Variants in STXBP5 observed in about 807,000 individuals in gnomAD.
STXBP5 encodes the protein syntaxin binding protein 5.
STXBP5 carries 50 observed loss-of-function variants against 152.4 expected under a neutral mutation model. That is an observed-to-expected ratio of 0.33 (90% CI 0.26 to 0.42). The LOEUF is 0.42. Among genes scored for constraint, STXBP5 ranks in the 10% least tolerant of loss-of-function variants. STXBP5 has a pLI of 1.00. For missense variants in STXBP5, 1,167 were observed against 1,388.6 expected (o/e 0.84, Z 2.54); for synonymous variants, 492 against 494.7 (o/e 0.99, Z 0.07).
At chr6:147,352,729 TCTG>T (rs1784645472) in intron 21 of STXBP5, among the ~76,000 whole-genome samples, 1 of 152,226 alleles carries the variant, frequency 6.6e-6, no homozygotes, top group Non-Finnish European at 1.5e-5. Flanking sequence ...ACACCTTTCT[TCTG>T]AGAAGTTACT....
chr6:147,297,617 G>C (rs991777623), intron 9 of STXBP5, among the ~76,000 whole-genome samples: 16 of 152,032 alleles, frequency 1.1e-4, no homozygotes, highest in Non-Finnish European at 4.4e-5. Context: ...AAGGTTAAAA[G>C]TCAAAATAGT....
At chr6:147,255,839 A>T (rs1779332974) in intron 4 of STXBP5, among the ~76,000 whole-genome samples, 1 of 152,196 alleles carries the variant, frequency 6.6e-6, no homozygotes, top group Non-Finnish European at 1.5e-5. Flanking sequence ...GTACAATTAT[A>T]AGAAAGTTAG....
intron 16 of STXBP5, among the ~76,000 whole-genome samples, chr6:147,318,479 G>A (rs1193246372): frequency 1.3e-5 from 2 of 152,102 alleles, no homozygotes; most frequent in Admixed American, 6.5e-5. Flanking sequence ...TACTGACTTC[G>A]TTCTGCAATT....
chr6:147,308,270 G>A (rs1031353523), intron 9 of STXBP5, among the ~76,000 whole-genome samples: 5 of 152,118 alleles, frequency 3.3e-5, no homozygotes, highest in African/African-American at 4.8e-5. Context: ...TCCTGAGCAC[G>A]GTCATAATAA....
chr6:147,296,920 G>GA (rs969461096), intron 9 of STXBP5, among the ~76,000 whole-genome samples: 4 of 151,552 alleles, frequency 2.6e-5, no homozygotes, highest in Admixed American at 2.6e-4. Flanking sequence ...CCAGAGGGTG[G>GA]AAAAAAAATA....
At chr6:147,210,537 G>A (rs1776793798) in intron 2 of STXBP5, among the ~76,000 whole-genome samples, 1 of 152,128 alleles carries the variant, frequency 6.6e-6, no homozygotes, top group Admixed American at 6.5e-5. Context: ...GAATAATTCT[G>A]TGGGTTTGTC....
chr6:147,350,379 A>T (rs1321989747), intron 21 of STXBP5, among the ~76,000 whole-genome samples: 1 of 152,118 alleles, frequency 6.6e-6, no homozygotes, highest in East Asian at 1.9e-4. Flanking sequence ...TTCTGCTGGT[A>T]AATTTTTTGG....
intron 12 of STXBP5, 80 bp downstream of exon 12, chr6:147,314,111 T>C: frequency 6.7e-7 from 1 of 1,502,762 alleles, no homozygotes. Context: ...TTTGATAACA[T>C]TATACCTTTT....
chr6:147,213,477 T>TGTGTGTGTGTGTGTGTGTGTGTGCGC, intron 2 of STXBP5, among the ~76,000 whole-genome samples: 109 of 131,284 alleles, frequency 8.3e-4, no homozygotes, highest in African/African-American at 3.1e-3. Context: ...TGTGTGTGTG[T>TGTGTGTGTGTGTGTGTGTGTGTGCGC]GCGCGCGCAT....
chr6:147,375,646 GAA>G (rs1312283106), intron 26 of STXBP5, among the ~76,000 whole-genome samples: 2 of 150,632 alleles, frequency 1.3e-5, no homozygotes, highest in Non-Finnish European at 3.0e-5. Flanking sequence ...TATATATAAA[GAA>G]AGAAGTCAGA....
chr6:147,314,910 G>C (rs1429995203), intron 14 of STXBP5, among the ~76,000 whole-genome samples: 3 of 152,046 alleles, frequency 2.0e-5, no homozygotes, highest in Non-Finnish European at 2.9e-5. Flanking sequence ...GGGGAAGTGG[G>C]AATGTGTTCC....
intron 9 of STXBP5, among the ~76,000 whole-genome samples, chr6:147,298,178 C>A (rs960396875): frequency 6.6e-6 from 1 of 151,796 alleles, no homozygotes; most frequent in African/African-American, 2.4e-5. Context: ...AAACCGAAAC[C>A]AAAAATGAGC....
chr6:147,312,040 T>A (rs1251916351), intron 11 of STXBP5, among the ~76,000 whole-genome samples: 2 of 152,220 alleles, frequency 1.3e-5, no homozygotes, highest in Non-Finnish European at 2.9e-5. Context: ...ACCTGATCTC[T>A]GTCTTCTCAC....
intron 21 of STXBP5, among the ~76,000 whole-genome samples, chr6:147,342,100 A>G (rs1433705797): frequency 6.6e-6 from 1 of 152,226 alleles, no homozygotes; most frequent in Non-Finnish European, 1.5e-5. Context: ...AAAGGATTCA[A>G]AAGCAAATTC....
Position 147,359,275 on chromosome 6 carries a change from C to G in STXBP5, c.2497C>G (p.Pro833Ala), listed in dbSNP as rs758278685. 1 of 1,613,976 alleles carries G rather than the reference C, an allele frequency of 6.2e-7. No individual in the cohort carries two copies. The highest frequency in any genetic ancestry group is 8.5e-7 in the Non-Finnish European group (1 of 1,179,908). The part of the protein sequence containing the change: ...TVLVIALNLP[P>A]GGEQRLLQPV... ...GCTTGTCATTGCACTGAACCTTCCC[C>G]CAGGGGGAGAGCAAAGACTTCTTCA... Residue 833 changes from proline to alanine, a missense_variant, in exon 23 of 28, where the codon CCA becomes GCA. By Grantham distance (27) the Pro-to-Ala change is conservative (BLOSUM62 -1). This residue lies in a region of STXBP5 where 833 missense variants were observed against 986.3 expected (regional missense o/e 0.84). Coordinates refer to ENST00000321680, the MANE Select transcript of STXBP5 (RefSeq NM_001127715.4).
At chr6:147,273,195 T>TAAAA (rs61153710) in intron 7 of STXBP5, among the ~76,000 whole-genome samples, 1 of 129,318 alleles carries the variant, frequency 7.7e-6, no homozygotes, top group Non-Finnish European at 1.6e-5. Flanking sequence ...TCTAAAAAAG[T>TAAAA]AAAAAAAAAA....
intron 26 of STXBP5, 21 bp downstream of exon 26, chr6:147,373,863 C>A (rs544473420): frequency 8.3e-6 from 13 of 1,557,888 alleles, no homozygotes; most frequent in Non-Finnish European, 1.1e-5. Flanking sequence ...TTATTTAATT[C>A]GGATAATATA....
intron 2 of STXBP5, among the ~76,000 whole-genome samples, chr6:147,226,753 A>T (rs889338584): frequency 6.6e-6 from 1 of 152,190 alleles, no homozygotes; most frequent in African/African-American, 2.4e-5. Flanking sequence ...CCTAACTGTT[A>T]TATTGCTTTT....
At chr6:147,244,541 T>A (rs1394839553) in intron 4 of STXBP5, among the ~76,000 whole-genome samples, 3 of 152,234 alleles carry the variant, frequency 2.0e-5, no homozygotes, top group Non-Finnish European at 2.9e-5. Context: ...AATTGCAATG[T>A]TTTTATTAAT....
Sources: allele counts gnomAD v4.1 joint callset (sites outside exome capture counted in the v4.1 genomes callset), GRCh38; gene constraint gnomAD v4.1.1; regional missense constraint gnomAD v4.1.1; transcripts MANE v1.5; gene names NCBI Gene and HGNC (gene_info 2026-07-23, HGNC 2026-07-21).